APP: variants seen among roughly 807,000 people sequenced by gnomAD.
APP encodes the protein amyloid-beta precursor protein.
A neutral mutation model predicts 101.4 loss-of-function variants in APP; 31 were observed. The observed-to-expected ratio is 0.31, with a 90% CI of 0.23 to 0.41. The LOEUF is 0.41. Among genes scored for constraint, APP ranks in the 10% least tolerant of loss-of-function variants. The pLI, the probability that APP is intolerant of heterozygous loss-of-function variation, is 1.00. For missense variants in APP, 839 were observed against 1,003.7 expected, an observed-to-expected ratio of 0.84 and a Z score of 2.22; for synonymous variants, 366 against 364.4, an observed-to-expected ratio of 1.00 and a Z score of -0.05.
chr21:25,899,802 A>G (rs1473053533), intron 15 of APP, among the ~76,000 whole-genome samples: 1 of 152,232 alleles, frequency 6.6e-6, no homozygotes, highest in Non-Finnish European at 1.5e-5. Context: ...CTACGTAGCA[A>G]TAGGTAACTA....
At chr21:25,925,214 C>T (rs369501013) in intron 13 of APP, among the ~76,000 whole-genome samples, 1 of 320 alleles carries the variant, frequency 3.1e-3, no homozygotes, top group Admixed American at 0.031. Flanking sequence ...CACACCAGGG[C>T]TATGAGAAAC....
intron 5 of APP, among the ~76,000 whole-genome samples, chr21:26,041,112 A>G (rs2045355461): frequency 6.6e-6 from 1 of 152,232 alleles, no homozygotes; most frequent in South Asian, 2.1e-4. Context: ...TTCCAAAACA[A>G]ACATGGACTT....
At chr21:26,054,804 C>T (rs954623717) in intron 3 of APP, among the ~76,000 whole-genome samples, 3 of 151,898 alleles carry the variant, frequency 2.0e-5, no homozygotes, top group African/African-American at 7.3e-5. Context: ...ATCGTCCACA[C>T]AGCAGCAAAG....
At chr21:25,968,088 T>G (rs1378385218) in intron 11 of APP, among the ~76,000 whole-genome samples, 1 of 151,914 alleles carries the variant, frequency 6.6e-6, no homozygotes, top group Admixed American at 6.6e-5. Flanking sequence ...TCTGCTCAAC[T>G]TTTTTTTCCC....
intron 11 of APP, among the ~76,000 whole-genome samples, chr21:25,962,289 C>T (rs985413571): frequency 2.0e-5 from 3 of 152,130 alleles, no homozygotes; most frequent in African/African-American, 7.2e-5. Flanking sequence ...GCTTAGACAT[C>T]ATTTACAGCA....
At chr21:26,144,463 A>T (rs1411083158) in intron 1 of APP, among the ~76,000 whole-genome samples, 1 of 152,228 alleles carries the variant, frequency 6.6e-6, no homozygotes, top group African/African-American at 2.4e-5. Context: ...ATTACTGCAC[A>T]AACATTTTAT....
chr21:26,018,134 T>G (rs958367382), intron 6 of APP, among the ~76,000 whole-genome samples: 1 of 152,216 alleles, frequency 6.6e-6, no homozygotes, highest in Admixed American at 6.5e-5. Flanking sequence ...TAAAAGTGTC[T>G]TATTTTTCTT....
chr21:26,124,782 T>C (rs556886677), intron 1 of APP, among the ~76,000 whole-genome samples: 2 of 152,366 alleles, frequency 1.3e-5, no homozygotes, highest in African/African-American at 2.4e-5. Flanking sequence ...ACAGATAAGA[T>C]TTCAAAGCTG....
At chr21:26,118,680 G>A (rs992177603) in intron 1 of APP, among the ~76,000 whole-genome samples, 33 of 152,122 alleles carry the variant, frequency 2.2e-4, no homozygotes, top group African/African-American at 7.0e-4. Flanking sequence ...AACCTCCTGA[G>A]TAGCTGGGAC....
intron 5 of APP, among the ~76,000 whole-genome samples, chr21:26,046,203 T>A (rs1239162127): frequency 6.7e-6 from 1 of 148,988 alleles, no homozygotes; most frequent in Non-Finnish European, 1.5e-5. Flanking sequence ...AACCAGAGAG[T>A]AACATTAACT....
chr21:25,998,347 G>GGAGT (rs2043136537), intron 7 of APP, among the ~76,000 whole-genome samples: 1 of 150,996 alleles, frequency 6.6e-6, no homozygotes, highest in Non-Finnish European at 1.5e-5. Flanking sequence ...ACTGAAGAAG[G>GGAGT]GAGTCCTTTG....
intron 16 of APP, 93 bp from the exon 17 acceptor site, chr21:25,891,961 T>G (rs999364206): frequency 2.1e-5 from 28 of 1,327,126 alleles, no homozygotes; most frequent in Non-Finnish European, 2.7e-5. Context: ...ATTTCTTAAA[T>G]GCAGGGGACA....
At chr21:26,074,619 C>T (rs924897855) in intron 3 of APP, among the ~76,000 whole-genome samples, 2 of 152,024 alleles carry the variant, frequency 1.3e-5, no homozygotes, top group African/African-American at 2.4e-5. Context: ...GGCATGATGG[C>T]GTGTGCCTGT....
intron 13 of APP, chr21:25,933,877 A>G (rs1461509347): frequency 1.3e-5 from 2 of 152,168 alleles, no homozygotes; most frequent in Non-Finnish European, 2.9e-5. Flanking sequence ...AAAAAATTTG[A>G]CAATAGTTCA....
Position 25,997,356 on chromosome 21 carries a change from G to A in APP, c.1090+4C>T, listed in dbSNP as rs532690231. The A allele has an allele frequency of 2.0e-5, 32 of 1,613,392 alleles. No homozygotes were observed. The highest frequency in any genetic ancestry group is 1.0e-4 in the Admixed American group (6 of 60,000). On this transcript the variant is annotated splice_donor_region_variant and intron_variant, in intron 8 of 17. Transcript: ENST00000346798. The stretch of plus-strand genomic sequence containing the variant: ...TCCCTTCCCTCAGGTGAATGACAAC[G>A]TACGTTTAACAGGATCTCGGGCAAG...
At chr21:26,082,631 C>CCT (rs1306760274) in intron 3 of APP, among the ~76,000 whole-genome samples, 1 of 151,940 alleles carries the variant, frequency 6.6e-6, no homozygotes, top group Non-Finnish European at 1.5e-5. Context: ...CTTTGTTGAC[C>CCT]CTCTGTCTGA....
At chr21:26,155,839 C>CA (rs1438208078) in intron 1 of APP, among the ~76,000 whole-genome samples, 5 of 151,812 alleles carry the variant, frequency 3.3e-5, no homozygotes, top group East Asian at 3.9e-4. Context: ...ACCAAAAATA[C>CA]AAAAAAACGT....
intron 1 of APP, among the ~76,000 whole-genome samples, chr21:26,168,589 A>G (rs1392272149): frequency 7.1e-6 from 1 of 140,536 alleles, no homozygotes; most frequent in African/African-American, 3.3e-5. Context: ...TGCTCAACAA[A>G]GTTACATATT....
intron 11 of APP, among the ~76,000 whole-genome samples, chr21:25,971,569 G>A (rs571486768): frequency 1.4e-4 from 22 of 152,322 alleles, no homozygotes; most frequent in African/African-American, 5.3e-4. Context: ...GGGTATTGGT[G>A]AGGAGAGAGT....
Sources: gnomAD v4.1 joint callset for allele counts (sites outside exome capture counted in the v4.1 genomes callset) on GRCh38, gnomAD v4.1.1 for gene constraint, MANE v1.5 for transcripts, NCBI Gene and HGNC (gene_info 2026-07-23, HGNC 2026-07-21) for gene names.